TMEM161B: variants seen among roughly 807,000 people sequenced by gnomAD.
TMEM161B encodes the protein transmembrane protein 161B.
Under a neutral mutation model 61.8 loss-of-function variants are expected in TMEM161B, and 34 were observed. The observed-to-expected ratio is 0.55, with a 90% confidence interval of 0.42 to 0.73. The LOEUF (loss-of-function observed/expected upper bound fraction) is 0.73. Among genes scored for constraint, TMEM161B ranks in the 30% least tolerant of loss-of-function variants. The pLI, the probability that TMEM161B is intolerant of heterozygous loss-of-function variation, is 0.00. For missense variants in TMEM161B, 456 were observed against 558.5 expected, an observed-to-expected ratio of 0.82 and a Z score of 1.85; for synonymous variants, 167 against 192.8, an observed-to-expected ratio of 0.87 and a Z score of 1.11.
chr5:88,261,730 CAAAAAAAA>C (rs70996464), intron 1 of TMEM161B, among the ~76,000 whole-genome samples: 1 of 49,292 alleles, frequency 2.0e-5, no homozygotes, highest in South Asian at 9.9e-4. Context: ...CATTCATGTG[CAAAAAAAA>C]AAAAAAAAAA....
chr5:88,230,205 C>G lies in TMEM161B; in HGVS notation c.108-1677G>C, dbSNP rs191369701. On this transcript the variant is annotated intron_variant, in intron 2 of 11. Transcript: ENST00000296595. ...TATCTCAAAAACAAAACAAAACAAA[C>G]AAACAAAAAAACTGCAACAACTGTA... is the stretch of plus-strand genomic sequence containing the variant. 1.8e-3 allele frequency among the ~76,000 whole-genome samples: 274 copies of G among 151,992 alleles called. 1 individual carries two copies. The highest frequency in any genetic ancestry group is 6.4e-3 in the African/African-American group (266 of 41,496).
At chr5:88,223,259 A>G (rs942146644) in intron 4 of TMEM161B, among the ~76,000 whole-genome samples, 4 of 151,772 alleles carry the variant, frequency 2.6e-5, no homozygotes, top group African/African-American at 9.7e-5. Context: ...AAAACTGGTA[A>G]GTTACCCACT....
chr5:88,238,755 C>T (rs1752265723), intron 2 of TMEM161B, among the ~76,000 whole-genome samples: 1 of 151,770 alleles, frequency 6.6e-6, no homozygotes, highest in Admixed American at 6.6e-5. Context: ...ACAAAAGGCT[C>T]ATAAAATAAT....
intron 5 of TMEM161B, among the ~76,000 whole-genome samples, chr5:88,219,470 T>A (rs1241340567): frequency 6.6e-6 from 1 of 152,064 alleles, no homozygotes; most frequent in African/African-American, 2.4e-5. Flanking sequence ...TATATAATTT[T>A]AATAAAAATA....
At chr5:88,222,475 G>GA (rs574520420) in intron 4 of TMEM161B, among the ~76,000 whole-genome samples, 19 of 146,312 alleles carry the variant, frequency 1.3e-4, no homozygotes, top group African/African-American at 1.7e-4. Flanking sequence ...CCCCTGCTAA[G>GA]AAAAAAAAAA....
chr5:88,242,887 T>C (rs1413129515), intron 1 of TMEM161B, among the ~76,000 whole-genome samples: 1 of 151,680 alleles, frequency 6.6e-6, no homozygotes, highest in East Asian at 1.9e-4. Context: ...ATGAAGAAAC[T>C]ATAATATAAA....
intron 4 of TMEM161B, chr5:88,221,795 T>G: frequency 2.2e-6 from 1 of 455,728 alleles, no homozygotes; most frequent in South Asian, 1.6e-5. Flanking sequence ...TACATAACCA[T>G]CAATTCAGAT....
chr5:88,187,877 A>G (rs952430384), downstream of TMEM161B, among the ~76,000 whole-genome samples: 1 of 152,112 alleles, frequency 6.6e-6, no homozygotes, highest in African/African-American at 2.4e-5. Context: ...AGCTTCTTGA[A>G]TGGGAAACTT....
chr5:88,217,948 T>C (rs1449319423), intron 5 of TMEM161B, among the ~76,000 whole-genome samples: 1 of 151,030 alleles, frequency 6.6e-6, no homozygotes, highest in Non-Finnish European at 1.5e-5. Flanking sequence ...ATTAATATCT[T>C]AAATAGACAC....
At chr5:88,263,982 A>G (rs1756022219) in intron 1 of TMEM161B, among the ~76,000 whole-genome samples, 1 of 152,150 alleles carries the variant, frequency 6.6e-6, no homozygotes, top group Admixed American at 6.5e-5. Flanking sequence ...GTTAACTGCT[A>G]ATACATGACC....
chr5:88,208,945 C>T (rs570472357), intron 5 of TMEM161B, among the ~76,000 whole-genome samples: 9 of 152,266 alleles, frequency 5.9e-5, no homozygotes, highest in African/African-American at 2.2e-4. Flanking sequence ...TCATATATAT[C>T]TCACACACAT....
At chr5:88,205,002 T>C (rs1745183934) in intron 8 of TMEM161B, among the ~76,000 whole-genome samples, 1 of 152,162 alleles carries the variant, frequency 6.6e-6, no homozygotes, top group Non-Finnish European at 1.5e-5. Flanking sequence ...TTAATGGTTA[T>C]AAATACACAT....
intron 5 of TMEM161B, among the ~76,000 whole-genome samples, chr5:88,207,965 A>AC (rs1347469127): frequency 3.9e-5 from 6 of 152,220 alleles, no homozygotes; most frequent in Non-Finnish European, 8.8e-5. Flanking sequence ...GCCGGGCATT[A>AC]CCAATTAACT....
At chr5:88,262,453 A>C (rs1755803146) in intron 1 of TMEM161B, among the ~76,000 whole-genome samples, 1 of 152,214 alleles carries the variant, frequency 6.6e-6, no homozygotes, top group Admixed American at 6.5e-5. Flanking sequence ...CTGTACATAC[A>C]GTTTATATCA....
At chr5:88,202,419 T>C (rs1744587452) in intron 9 of TMEM161B, 1 of 173,574 alleles carries the variant, frequency 5.8e-6, no homozygotes, top group Admixed American at 6.1e-5. Context: ...ATGTTATTGT[T>C]ATATAGGAAA....
chr5:88,221,815 G>A (rs1267754255), intron 4 of TMEM161B: 1 of 451,304 alleles, frequency 2.2e-6, no homozygotes, highest in Non-Finnish European at 4.5e-6. Flanking sequence ...TGTTCTTATG[G>A]CACATAATAA....
chr5:88,194,512 T>C (rs941101493), downstream of TMEM161B, among the ~76,000 whole-genome samples: 4 of 152,100 alleles, frequency 2.6e-5, no homozygotes, highest in African/African-American at 9.7e-5. Flanking sequence ...TGATACCTAA[T>C]GATGAAACTG....
At chr5:88,240,519 T>TACTAATATCTCAA (rs1752550832) in intron 2 of TMEM161B, among the ~76,000 whole-genome samples, 3 of 151,740 alleles carry the variant, frequency 2.0e-5, no homozygotes, top group Non-Finnish European at 2.9e-5. Context: ...ACAGATAAAC[T>TACTAATATCTCAA]ACTAATATCT....
intron 3 of TMEM161B, 58 bp from the exon 4 acceptor site, chr5:88,225,924 C>G: frequency 9.1e-7 from 1 of 1,104,548 alleles, no homozygotes; most frequent in Non-Finnish European, 1.3e-6. Context: ...TATCCAAGTG[C>G]TTGTTTCAAA....
Sources: gnomAD v4.1 joint callset for allele counts (sites outside exome capture counted in the v4.1 genomes callset) on GRCh38, gnomAD v4.1.1 for gene constraint, MANE v1.5 for transcripts, NCBI Gene and HGNC (gene_info 2026-07-23, HGNC 2026-07-21) for gene names.